The following EYS variants were observed in gnomAD, a reference collection of about 807,000 sequenced individuals.
EYS encodes EGF-like photoreceptor maintenance factor, also known as protein eyes shut homolog.
EYS carries 250 observed loss-of-function variants against 282.1 expected under a neutral mutation model. The ratio of observed to expected loss-of-function variants is 0.89; its 90% CI spans 0.80 to 0.98. The LOEUF (loss-of-function observed/expected upper bound fraction) is 0.98. Among genes scored for constraint, EYS ranks in the 50% least tolerant of loss-of-function variants. The pLI is 0.00. For missense variants in EYS, 4,016 were observed against 3,709.0 expected (o/e 1.08, Z -2.15); for synonymous variants, 1,355 against 1,282.9 (o/e 1.06, Z -1.20).
intron 40 of EYS, among the ~76,000 whole-genome samples, chr6:63,773,071 A>G (rs1438837389): frequency 2.0e-5 from 3 of 152,138 alleles, no homozygotes; most frequent in African/African-American, 4.8e-5. Context: ...CCTCCATTAT[A>G]TAAACATTCC....
At chr6:64,596,583 T>G (rs1446111664) in intron 24 of EYS, among the ~76,000 whole-genome samples, 1 of 152,162 alleles carries the variant, frequency 6.6e-6, no homozygotes, top group Non-Finnish European at 1.5e-5. Context: ...TAGCTGATTT[T>G]TGATAGAGAT....
chr6:63,812,471 C>T (rs1771073026), intron 36 of EYS, among the ~76,000 whole-genome samples: 1 of 152,134 alleles, frequency 6.6e-6, no homozygotes, highest in Admixed American at 6.5e-5. Context: ...TCTTAACCTG[C>T]TTTATTTACA....
intron 35 of EYS, among the ~76,000 whole-genome samples, chr6:63,965,824 A>G (rs1562121168): frequency 6.6e-6 from 1 of 152,316 alleles, no homozygotes; most frequent in East Asian, 1.9e-4. Flanking sequence ...TAAGACCCAG[A>G]AAACACAGCC....
At chr6:64,363,591 T>C (rs1772092832) in intron 29 of EYS, among the ~76,000 whole-genome samples, 1 of 151,956 alleles carries the variant, frequency 6.6e-6, no homozygotes. Flanking sequence ...GTTAAGTTAC[T>C]TGTTTTTTTG....
intron 22 of EYS, among the ~76,000 whole-genome samples, chr6:64,660,743 G>C (rs891699096): frequency 6.6e-6 from 1 of 152,080 alleles, no homozygotes; most frequent in African/African-American, 2.4e-5. Flanking sequence ...AAAGAGGACA[G>C]AAACAAATGG....
At chr6:64,541,016 C>T (rs1466442084) in intron 26 of EYS, among the ~76,000 whole-genome samples, 1 of 152,198 alleles carries the variant, frequency 6.6e-6, no homozygotes, top group Non-Finnish European at 1.5e-5. Context: ...TTTTTCTTTA[C>T]TTTCCCATGT....
intron 4 of EYS, chr6:65,491,644 CA>C: frequency 2.5e-6 from 1 of 400,006 alleles, no homozygotes; most frequent in Non-Finnish European, 4.9e-6. Context: ...CATTGTGTTT[CA>C]AAAGGTTCTC....
At chr6:65,145,945 C>A (rs1011302880) in intron 12 of EYS, among the ~76,000 whole-genome samples, 2 of 151,622 alleles carry the variant, frequency 1.3e-5, no homozygotes. Flanking sequence ...ATACTCTATT[C>A]CATTAAGTAT....
intron 33 of EYS, among the ~76,000 whole-genome samples, chr6:64,024,429 A>G (rs973885438): frequency 3.9e-5 from 6 of 152,110 alleles, no homozygotes; most frequent in Non-Finnish European, 8.8e-5. Flanking sequence ...AAACGCACCA[A>G]TCAGCACCCT....
At position 64,475,278 on chromosome 6, in the gene EYS, G is replaced by A. The variant is rs1371578916; in HGVS notation, c.5645-35926C>T. 3.2e-4 allele frequency among the ~76,000 whole-genome samples: 23 copies of A among 71,066 alleles called. 5 individuals are homozygous for A. Among genetic ancestry groups the A allele is most frequent in the Admixed American group, 1.4e-3 (10 of 7,102 alleles). 46.6% of individuals were successfully genotyped at this position (71,066 alleles called of 152,430 possible). A position where few individuals can be genotyped will look rare whatever the true frequency, so the allele number is the denominator to read the frequency against. On this transcript the variant is annotated intron_variant, in intron 26 of 42. Coordinates refer to ENST00000503581, the MANE Select transcript of EYS (RefSeq NM_001142800.2). The stretch of plus-strand genomic sequence containing the variant: ...AGTAAATGAAAAGAAAAGGCCGGGC[G>A]CGGTGGCTCACGCCTGTAATCCCAG...
chr6:64,675,428 C>CTTTTTTTTTTT lies in EYS; in HGVS notation c.3444-49194_3444-49184dup, dbSNP rs56346431. Among the ~76,000 whole-genome samples, 58 of 114,640 alleles carry CTTTTTTTTTTT rather than the reference C, an allele frequency of 5.1e-4. 1 individual carries two copies. The highest frequency in any genetic ancestry group is 8.8e-4 in the Admixed American group (8 of 9,062). 75.2% of individuals were successfully genotyped at this position (114,640 alleles called of 152,430 possible). ...GTTTTTCCTGTTTCTCTTTTTTTTT[C>CTTTTTTTTTTT]TTTTTTTTTTTTTTTTTGAGATGGA... On this transcript the variant is annotated intron_variant, in intron 22 of 42. Coordinates refer to ENST00000503581, the MANE Select transcript of EYS (RefSeq NM_001142800.2).
intron 34 of EYS, among the ~76,000 whole-genome samples, 199 bp downstream of exon 34, chr6:63,998,876 A>G (rs1017991166): frequency 6.6e-6 from 1 of 152,014 alleles, no homozygotes; most frequent in Non-Finnish European, 1.5e-5. Context: ...ATTTGATAAA[A>G]CTTTGATAGT....
chr6:64,596,178 T>G (rs1766581068), intron 24 of EYS, among the ~76,000 whole-genome samples: 1 of 152,044 alleles, frequency 6.6e-6, no homozygotes, highest in Admixed American at 6.6e-5. Context: ...GGGATCCACC[T>G]CCATGACCCA....
At chr6:64,659,708 G>T (rs141444341) in intron 22 of EYS, among the ~76,000 whole-genome samples, 2 of 151,980 alleles carry the variant, frequency 1.3e-5, no homozygotes, top group Non-Finnish European at 2.9e-5. Context: ...TCTCTGAATG[G>T]ACCAATAACA....
At chr6:64,331,154 C>T (rs1369582668) in intron 29 of EYS, among the ~76,000 whole-genome samples, 2 of 152,048 alleles carry the variant, frequency 1.3e-5, no homozygotes, top group African/African-American at 4.8e-5. Flanking sequence ...GAACGTTGCT[C>T]TTGGCCAAAG....
rs150874027 is a variant in EYS at position 64,170,809 on chromosome 6, C to A, written c.6424+59783G>T. ...ATGATAATACAAATAATAAAGATCT[C>A]ATTTTTATGTAGCATTTCACATAGT... On this transcript the variant is annotated intron_variant, in intron 31 of 42. Transcript: ENST00000503581. Among the ~76,000 whole-genome samples the A allele has an allele frequency of 1.4e-3, 212 of 152,030 alleles. 1 individual carries two copies. Among genetic ancestry groups the A allele is most frequent in the African/African-American group, 4.8e-3 (199 of 41,474 alleles).
intron 22 of EYS, among the ~76,000 whole-genome samples, chr6:64,783,976 G>A (rs2149995610): frequency 6.6e-6 from 1 of 152,156 alleles, no homozygotes; most frequent in East Asian, 1.9e-4. Context: ...ACTTTTAAAT[G>A]TTATCTGGAG....
intron 14 of EYS, among the ~76,000 whole-genome samples, chr6:64,977,273 G>A (rs901447330): frequency 2.0e-5 from 3 of 151,796 alleles, no homozygotes; most frequent in Admixed American, 2.0e-4. Context: ...TATTTCAAAT[G>A]TTTTCATTAT....
chr6:64,936,436 AGTT>A (rs1157528383), intron 15 of EYS, among the ~76,000 whole-genome samples: 2 of 151,484 alleles, frequency 1.3e-5, no homozygotes, highest in African/African-American at 4.8e-5. Flanking sequence ...TTGTACTGGA[AGTT>A]GTTGGGATAA....
Sources: allele counts gnomAD v4.1 joint callset (sites outside exome capture counted in the v4.1 genomes callset), GRCh38; gene constraint gnomAD v4.1.1; transcripts MANE v1.5; gene names NCBI Gene and HGNC (gene_info 2026-07-23, HGNC 2026-07-21).